Variants in ANKRD52 observed in about 807,000 individuals in gnomAD.
The protein encoded by ANKRD52 is ankyrin repeat domain 52.
A neutral mutation model predicts 116.0 loss-of-function variants in ANKRD52; 7 were observed. The observed-to-expected ratio is 0.06, with a 90% CI of 0.03 to 0.11. ANKRD52 has a LOEUF of 0.11. ANKRD52 is among the 10% of genes least tolerant of loss of function. ANKRD52 has a pLI of 1.00. For synonymous variants in ANKRD52, 528 were observed against 578.1 expected, an observed-to-expected ratio of 0.91 and a Z score of 1.24; for missense variants, 839 against 1,408.6, an observed-to-expected ratio of 0.60 and a Z score of 6.47.
chr12:56,255,440 T>A lies in ANKRD52; in HGVS notation c.462+344A>T, dbSNP rs1282768402. On this transcript the variant is annotated intron_variant, in intron 5 of 27. Coordinates refer to ENST00000267116, the MANE Select transcript of ANKRD52 (RefSeq NM_173595.4). The surrounding 1 kb of genome is among the most constrained non-coding windows in gnomAD (Gnocchi z 4.3). ...CTCCTGATCTCATGATCCACCCGCC[T>A]TCGCCTCCCAAAGTGCTGGGATTAC... Among the ~76,000 whole-genome samples the A allele has an allele frequency of 6.6e-6, 1 of 152,236 alleles. No individual in the cohort carries two copies. The highest frequency in any genetic ancestry group is 1.5e-5 in the Non-Finnish European group (1 of 68,040).
At position 56,244,395 on chromosome 12, in the gene ANKRD52, C is replaced by A; in HGVS notation, c.2763G>T (p.Leu921Phe). 6.2e-7 allele frequency: 1 copy of A among 1,613,966 alleles called. No homozygotes were observed. Among genetic ancestry groups the A allele is most frequent in the Non-Finnish European group, 8.5e-7 (1 of 1,179,884 alleles). ...LYRGKADLTV[L>F]DENKNTALHL... ...GGAGGGCCGTGTTCTTGTTCTCATCCAACACAGTAAGGTCTGCCTTCCCTC... is the reference window on the plus strand; with the variant it reads ...GGAGGGCCGTGTTCTTGTTCTCATCAAACACAGTAAGGTCTGCCTTCCCTC... The change falls in exon 25 of 28, where the codon TTG becomes TTT. Residue 921 changes from leucine to phenylalanine, a missense_variant. Around this residue, in one of 2 missense-constraint regions of ANKRD52, gnomAD observed 552 missense variants for 810.6 expected, o/e 0.68. Coordinates refer to ENST00000267116, the MANE Select transcript of ANKRD52 (RefSeq NM_173595.4). This position sits in a 1 kb window ranked among gnomAD's most constrained non-coding sequence, Gnocchi z 4.9.
In ANKRD52 at chr12:56,254,379, T is replaced by C. The variant is rs919637861; in HGVS notation, c.694-100A>G. The C allele has an allele frequency of 9.5e-6, 14 of 1,470,642 alleles. No individual in the cohort carries two copies. The African/African-American group carries it at 1.7e-4, about 18-fold the overall frequency. 91.1% of individuals were successfully genotyped at this position (1,470,642 alleles called of 1,614,324 possible). On this transcript the variant is annotated intron_variant, in intron 7 of 27. Coordinates refer to ENST00000267116, the MANE Select transcript of ANKRD52 (RefSeq NM_173595.4). The surrounding 1 kb of genome is among the most constrained non-coding windows in gnomAD (Gnocchi z 4.6). ...CCCAGAAATCCAACGACTGCCTCAT[T>C]TCCTCTCGGGTTTATGACCCAAGGT...
chr12:56,244,380 G>A lies in ANKRD52; in HGVS notation c.2778C>T (p.Asn926=), dbSNP rs928810716. The A allele has an allele frequency of 1.9e-6, 3 of 1,613,870 alleles. No homozygotes were observed. The highest frequency in any genetic ancestry group is 1.7e-5 in the Admixed American group (1 of 59,994). ...TGCTACAAGCCAAGTGGAGGGCCGT[G>A]TTCTTGTTCTCATCCAACACAGTAA... is the stretch of plus-strand genomic sequence containing the variant. ...ADLTVLDENK[N]TALHLACSKG... The change falls in exon 25 of 28, where the codon AAC becomes AAT. Residue 926 remains asparagine, a synonymous_variant. Transcript: ENST00000267116. This position sits in a 1 kb window ranked among gnomAD's most constrained non-coding sequence, Gnocchi z 4.9.
rs1592395717 is a variant in ANKRD52, at chr12:56,255,704, G to C, written c.462+80C>G. On this transcript the variant is annotated intron_variant, in intron 5 of 27. Transcript: ENST00000267116. This position sits in a 1 kb window ranked among gnomAD's most constrained non-coding sequence, Gnocchi z 4.3. ...GGGCTGCTTCTCCTTCAGGCTTGAGGGCCCAGAAGCAGGGAAACGTGAGTA... is the reference window on the plus strand; with the variant it reads ...GGGCTGCTTCTCCTTCAGGCTTGAGCGCCCAGAAGCAGGGAAACGTGAGTA... 7.3e-7 allele frequency: 1 copy of C among 1,374,732 alleles called. No individual in the cohort carries two copies. The highest frequency in any genetic ancestry group is 2.5e-5 in the East Asian group (1 of 39,322). 85.2% of individuals were successfully genotyped at this position (1,374,732 alleles called of 1,614,324 possible).
In ANKRD52 at chr12:56,252,280, T is replaced by C; in HGVS notation, c.1406A>G (p.Tyr469Cys). 1 of 1,613,970 alleles carries C rather than the reference T, an allele frequency of 6.2e-7. No individual in the cohort carries two copies. Among genetic ancestry groups the C allele is most frequent in the Non-Finnish European group, 8.5e-7 (1 of 1,179,870 alleles). The change falls in exon 14 of 28, where the codon TAC (tyrosine) becomes TGC (cysteine). Residue 469 changes from tyrosine to cysteine, a missense_variant. Tyr to Cys is a radical substitution (Grantham distance 194). Transcript: ENST00000267116. The surrounding 1 kb of genome is among the most constrained non-coding windows in gnomAD (Gnocchi z 4.7). ...AGTCACCAATGTTACTGCACACTGGTAGCTACCGTTAGCAGCTGCATAGTG... is the reference window on the plus strand; with the variant it reads ...AGTCACCAATGTTACTGCACACTGGCAGCTACCGTTAGCAGCTGCATAGTG... ...PLHYAAANGS[Y>C]QCAVTLVTAG...
rs117683816 is a variant in ANKRD52 at position 56,244,483 on chromosome 12, T to C, written c.2723-48A>G. 0.058 allele frequency: 93,823 copies of C among 1,604,214 alleles called. 3,163 individuals carry two copies. Among genetic ancestry groups the C allele is most frequent in the Non-Finnish European group, 0.067 (78,269 of 1,172,250 alleles). ...GGACTGACCCCTCCCTCCAGAGCAG[T>C]AGCCATCCTGGCTCTCCACTTTGCA... On this transcript the variant is annotated intron_variant, in intron 24 of 27. Transcript: ENST00000267116. This position sits in a 1 kb window ranked among gnomAD's most constrained non-coding sequence, Gnocchi z 4.9.
At chr12:56,247,914 G>A in intron 18 of ANKRD52, 109 bp downstream of exon 18, 1 of 1,365,294 alleles carries the variant, frequency 7.3e-7, no homozygotes, top group Non-Finnish European at 1.0e-6. Context: ...TATGAATCAG[G>A]GCTTGAAGTC....
Position 56,253,265 on chromosome 12 carries a change from G to T in ANKRD52, c.1100+23C>A. ...CTGTGCAGATCTGGGCAGCCCAGAA[G>T]TGGAGTCGGGGCCCTGACTCACCGG... On this transcript the variant is annotated intron_variant, in intron 10 of 27. Coordinates refer to ENST00000267116, the MANE Select transcript of ANKRD52 (RefSeq NM_173595.4). The surrounding 1 kb of genome is among the most constrained non-coding windows in gnomAD (Gnocchi z 5.5). 2 of 1,599,830 alleles carry T rather than the reference G, an allele frequency of 1.3e-6. No individual in the cohort carries two copies. Among genetic ancestry groups the T allele is most frequent in the East Asian group, 2.2e-5 (1 of 44,756 alleles).
At chr12:56,246,949 T>A (rs1312519007) in intron 20 of ANKRD52, among the ~76,000 whole-genome samples, 1 of 145,484 alleles carries the variant, frequency 6.9e-6, no homozygotes, top group Non-Finnish European at 1.5e-5. Flanking sequence ...ATAATAATAA[T>A]AATAATAATA....
rs778894070 is a variant in ANKRD52 at position 56,257,011 on chromosome 12, A to G, written c.261+4T>C. 2 of 1,612,662 alleles carry G rather than the reference A, an allele frequency of 1.2e-6. No individual in the cohort carries two copies. The highest frequency in any genetic ancestry group is 2.2e-5 in the East Asian group (1 of 44,880). ...AAAGGGTAATAGAAGGTGGGGGTGC[A>G]TACCTCGTTTCGGGAGGCAGCAGCA... On this transcript the variant is annotated splice_donor_region_variant and intron_variant, in intron 4 of 27. Coordinates refer to ENST00000267116, the MANE Select transcript of ANKRD52 (RefSeq NM_173595.4).
At position 56,255,208 on chromosome 12, in the gene ANKRD52, TTTG is replaced by T; in HGVS notation, c.463-259_463-257del. The T allele has an allele frequency of 2.6e-6, 1 of 381,968 alleles. No homozygotes were observed. Among genetic ancestry groups the T allele is most frequent in the South Asian group, 5.3e-5 (1 of 19,004 alleles). The allele number at this position is 381,968 out of a possible 1,614,324, so 23.7% of individuals were successfully genotyped here. ...TTCTTAAACTCTTTTTTTTTTTTTT[TTTG>T]AGACAGTCTCGCTCTGTTACCCAGG... On this transcript the variant is annotated intron_variant, in intron 5 of 27. Transcript: ENST00000267116. This position sits in a 1 kb window ranked among gnomAD's most constrained non-coding sequence, Gnocchi z 4.3.
chr12:56,248,275 C>T lies in ANKRD52; in HGVS notation c.1777-51G>A. On this transcript the variant is annotated intron_variant, in intron 17 of 27. Transcript: ENST00000267116. The surrounding 1 kb of genome is among the most constrained non-coding windows in gnomAD (Gnocchi z 5.1). ...ACACAGCTCGGGACCTTCCCTGCTC[C>T]TCCCTTCCCCTTCTCTGCTCTTGGG... is the stretch of plus-strand genomic sequence containing the variant. 6.3e-7 allele frequency: 1 copy of T among 1,589,956 alleles called. No homozygotes were observed. Among genetic ancestry groups the T allele is most frequent in the Non-Finnish European group, 8.6e-7 (1 of 1,161,890 alleles).
In ANKRD52 at chr12:56,242,892, T is replaced by G; in HGVS notation, c.*250A>C. 2.1e-6 allele frequency: 1 copy of G among 486,330 alleles called. No individual in the cohort carries two copies. Among genetic ancestry groups the G allele is most frequent in the Non-Finnish European group, 3.6e-6 (1 of 276,428 alleles). The allele number at this position is 486,330 out of a possible 1,614,324, so 30.1% of individuals were successfully genotyped here. A position where few individuals can be genotyped will look rare whatever the true frequency, so the allele number is the denominator to read the frequency against. The stretch of plus-strand genomic sequence containing the variant: ...GGGGAGCCAGGCATTTAGCAATCAT[T>G]TTGGGACACTTGGCAGAAGGGGTCG... On this transcript the variant is annotated 3_prime_UTR_variant, in exon 28 of 28. Transcript: ENST00000267116. This position sits in a 1 kb window ranked among gnomAD's most constrained non-coding sequence, Gnocchi z 4.3.
Position 56,257,001 on chromosome 12 carries a change from G to A in ANKRD52, c.261+14C>T. The A allele has an allele frequency of 6.2e-7, 1 of 1,611,194 alleles. No homozygotes were observed. ...ATCCTTTTTGAAAGGGTAATAGAAG[G>A]TGGGGGTGCATACCTCGTTTCGGGA... is the stretch of plus-strand genomic sequence containing the variant. On this transcript the variant is annotated intron_variant, in intron 4 of 27. Coordinates refer to ENST00000267116, the MANE Select transcript of ANKRD52 (RefSeq NM_173595.4).
Position 56,253,579 on chromosome 12 carries a change from T to C in ANKRD52, c.985+143A>G. The C allele has an allele frequency of 1.0e-6, 1 of 1,003,144 alleles. No homozygotes were observed. Among genetic ancestry groups the C allele is most frequent in the South Asian group, 1.6e-5 (1 of 63,738 alleles). The allele number at this position is 1,003,144 out of a possible 1,614,324, so 62.1% of individuals were successfully genotyped here. On this transcript the variant is annotated intron_variant, in intron 9 of 27. Coordinates refer to ENST00000267116, the MANE Select transcript of ANKRD52 (RefSeq NM_173595.4). The surrounding 1 kb of genome is among the most constrained non-coding windows in gnomAD (Gnocchi z 5.5). ...CTGGGCAGGGCAGAGCAGGGCCATT[T>C]CCACAGGTCCCTTGGTCAGAGTTCC...
intron 1 of ANKRD52, 68 bp downstream of exon 1, chr12:56,258,175 C>A (rs1872057082): frequency 1.9e-6 from 3 of 1,566,280 alleles, no homozygotes; most frequent in Non-Finnish European, 2.6e-6. Context: ...GGCCGCACAT[C>A]CCCGGGCTCG....
rs778488907 is a variant in ANKRD52 at position 56,244,997 on chromosome 12, A to G, written c.2493-8T>C. On this transcript the variant is annotated splice_polypyrimidine_tract_variant and splice_region_variant and intron_variant, in intron 22 of 27. Transcript: ENST00000267116. The surrounding 1 kb of genome is among the most constrained non-coding windows in gnomAD (Gnocchi z 4.9). ...CTGTCTTGGTTATTAATCCTAGAGG[A>G]AGAGGGAGGAGGGGTCATCAGGAAG... is the stretch of plus-strand genomic sequence containing the variant. 28 of 1,613,774 alleles carry G rather than the reference A, an allele frequency of 1.7e-5. No homozygotes were observed. The highest frequency in any genetic ancestry group is 2.4e-5 in the Non-Finnish European group (28 of 1,179,784).
intron 15 of ANKRD52, among the ~76,000 whole-genome samples, chr12:56,251,787 T>TCTCATA (rs1385222444): frequency 6.7e-6 from 1 of 149,290 alleles, no homozygotes; most frequent in Non-Finnish European, 1.5e-5. Flanking sequence ...AGGAACTATG[T>TCTCATA]CTCATACTTT....
At position 56,257,897 on chromosome 12, in the gene ANKRD52, C is replaced by T; in HGVS notation, c.42G>A (p.Gln14=). Residue 14 remains glutamine, a synonymous_variant, in exon 2 of 28, where the codon CAG becomes CAA. Transcript: ENST00000267116. ...CCTCCACATCTCGGCTAAAGATGGCCTGGACCAGGGGCGGCTGCAGAGAGA... is the reference window on the plus strand; with the variant it reads ...CCTCCACATCTCGGCTAAAGATGGCTTGGACCAGGGGCGGCTGCAGAGAGA... The part of the protein sequence containing the change: ...LSITDQPPLV[Q]AIFSRDVEEV... 2 of 1,606,074 alleles carry T rather than the reference C, an allele frequency of 1.2e-6. No homozygotes were observed. The highest frequency in any genetic ancestry group is 1.7e-6 in the Non-Finnish European group (2 of 1,176,070).
Sources: allele counts gnomAD v4.1 joint callset (sites outside exome capture counted in the v4.1 genomes callset), GRCh38; gene constraint gnomAD v4.1.1; regional missense constraint gnomAD v4.1.1; non-coding constraint Gnocchi (gnomAD v3.1); transcripts MANE v1.5; gene names NCBI Gene and HGNC (gene_info 2026-07-23, HGNC 2026-07-21).